The following TICRR variants were observed in gnomAD, a reference collection of about 807,000 sequenced individuals.
The protein encoded by TICRR is TOPBP1 interacting checkpoint and replication regulator.
Under a neutral mutation model 178.1 loss-of-function variants are expected in TICRR, and 132 were observed. That is an observed-to-expected ratio of 0.74 (90% CI 0.64 to 0.86). The LOEUF (loss-of-function observed/expected upper bound fraction) is 0.86. TICRR is among the 40% of genes least tolerant of loss of function. The pLI, the probability that TICRR is intolerant of heterozygous loss-of-function variation, is 0.00. For missense variants in TICRR, 2,587 were observed against 2,334.3 expected (o/e 1.11, Z -2.23); for synonymous variants, 991 against 900.7 (o/e 1.10, Z -1.79).
intron 21 of TICRR, 139 bp from the exon 22 acceptor site, chr15:89,626,817 T>C: frequency 6.6e-6 from 6 of 910,380 alleles, no homozygotes; most frequent in Non-Finnish European, 8.4e-6. Flanking sequence ...GTACCATTTC[T>C]GTAGGATAAG....
chr15:89,581,254 G>C (rs1459200865), intron 1 of TICRR, among the ~76,000 whole-genome samples: 1 of 152,182 alleles, frequency 6.6e-6, no homozygotes, highest in African/African-American at 2.4e-5. Flanking sequence ...TACCCGGCAT[G>C]ATGAGCATAT....
At chr15:89,622,217 C>G (rs1299126760) in intron 19 of TICRR, among the ~76,000 whole-genome samples, 1 of 152,070 alleles carries the variant, frequency 6.6e-6, no homozygotes, top group Non-Finnish European at 1.5e-5. Flanking sequence ...AACTCCTGAC[C>G]TCAAGTGATC....
At chr15:89,591,980 G>A in intron 4 of TICRR, 67 bp from the exon 5 acceptor site, 2 of 1,500,154 alleles carry the variant, frequency 1.3e-6, no homozygotes, top group Admixed American at 1.8e-5. Context: ...AGGAGCAAGT[G>A]CTTAGAATTC....
rs201503491 is a variant in TICRR, at chr15:89,616,495, G to A, written c.2960G>A (p.Arg987Lys). ...CTGCTGCACAGACAAATCAAGGGCA[G>A]GTGAGTGACATCCCCATCCGGGCTT... Reference protein sequence around the residue: ...KRLLHRQIKGRSSDPGPDIGV... With the variant: ...KRLLHRQIKGKSSDPGPDIGV... The change falls in exon 16 of 22, where the codon AGG (arginine) becomes AAG (lysine). Residue 987 changes from arginine (R) to lysine (K), a missense_variant and splice_region_variant. Coordinates refer to ENST00000268138, the MANE Select transcript of TICRR (RefSeq NM_152259.4). The A allele has an allele frequency of 1.9e-5, 31 of 1,613,608 alleles. No individual in the cohort carries two copies. In the Admixed American group the frequency reaches 3.7e-4, roughly 19 times the overall value.
At chr15:89,577,328 G>T (rs552351751) in intron 1 of TICRR, among the ~76,000 whole-genome samples, 99 of 152,228 alleles carry the variant, frequency 6.5e-4, no homozygotes, top group African/African-American at 2.3e-3. Flanking sequence ...GAGGCCCCCT[G>T]CTCCTGTTAA....
intron 16 of TICRR, among the ~76,000 whole-genome samples, chr15:89,617,127 C>G (rs2141977156): frequency 6.6e-6 from 1 of 152,282 alleles, no homozygotes; most frequent in East Asian, 1.9e-4. Flanking sequence ...CTTCTCTCTG[C>G]CTTTCAGAAT....
intron 13 of TICRR, among the ~76,000 whole-genome samples, chr15:89,603,864 AT>A (rs1158201825): frequency 6.6e-6 from 1 of 152,212 alleles, no homozygotes; most frequent in African/African-American, 2.4e-5. Flanking sequence ...AATAAAAGTT[AT>A]GTGAATGTGG....
chr15:89,579,561 G>A (rs1227959019), intron 1 of TICRR, among the ~76,000 whole-genome samples: 1 of 151,964 alleles, frequency 6.6e-6, no homozygotes, highest in Admixed American at 6.6e-5. Context: ...TGCTAGGCTC[G>A]TCTCGAACTC....
intron 7 of TICRR, among the ~76,000 whole-genome samples, chr15:89,598,579 G>T (rs986896500): frequency 2.6e-5 from 4 of 151,730 alleles, no homozygotes; most frequent in Admixed American, 6.6e-5. Context: ...GGCCAGGCTG[G>T]TCTTGAACTC....
Position 89,627,319 on chromosome 15 carries a change from C to T in TICRR, c.*233C>T. 2 of 502,970 alleles carry T rather than the reference C, an allele frequency of 4.0e-6. No individual in the cohort carries two copies. The highest frequency in any genetic ancestry group is 3.5e-5 in the Admixed American group (1 of 28,956). The allele number at this position is 502,970 out of a possible 1,614,324, so 31.2% of individuals were successfully genotyped here. A position where few individuals can be genotyped will look rare whatever the true frequency, so the allele number is the denominator to read the frequency against. The stretch of plus-strand genomic sequence containing the variant: ...GATGGCAATGTGATTGGTGCTATAA[C>T]TCAGGCAGCCTGGGAGTCAGGAACC... On this transcript the variant is annotated 3_prime_UTR_variant, in exon 22 of 22. Coordinates refer to ENST00000268138, the MANE Select transcript of TICRR (RefSeq NM_152259.4).
intron 7 of TICRR, among the ~76,000 whole-genome samples, chr15:89,597,503 T>C (rs1004243036): frequency 1.1e-4 from 16 of 148,434 alleles, no homozygotes; most frequent in Admixed American, 2.1e-4. Context: ...CCAGCCTGGG[T>C]GACGGAGCAA....
At position 89,623,926 on chromosome 15, in the gene TICRR, T is replaced by A. The variant is rs202118751; in HGVS notation, c.3616T>A (p.Phe1206Ile). 2.0e-4 allele frequency: 319 copies of A among 1,612,814 alleles called. No individual in the cohort carries two copies. The highest frequency in any genetic ancestry group is 2.5e-4 in the Non-Finnish European group (293 of 1,179,632). ...GAGGCAAGGTACTCAGCCGCCTGGG[T>A]TTTTGCCAAACTGTACTTGGCCACA... Reference protein sequence around the residue: ...PKRQGTQPPGFLPNCTWPHSV... With the variant: ...PKRQGTQPPGILPNCTWPHSV... The change falls in exon 20 of 22, where the codon TTT becomes ATT. Residue 1206 changes from phenylalanine to isoleucine, a missense_variant. Phe to Ile is a conservative substitution (Grantham distance 21). Transcript: ENST00000268138.
At chr15:89,626,481 G>T (rs1478006350) in intron 21 of TICRR, among the ~76,000 whole-genome samples, 5 of 152,148 alleles carry the variant, frequency 3.3e-5, no homozygotes, top group Non-Finnish European at 7.4e-5. Flanking sequence ...CAGCCTGCAG[G>T]CTCTAGGATT....
intron 16 of TICRR, among the ~76,000 whole-genome samples, 181 bp downstream of exon 16, chr15:89,616,676 T>C (rs761202763): frequency 3.4e-4 from 52 of 152,268 alleles, no homozygotes; most frequent in Non-Finnish European, 5.3e-4. Context: ...TATACACTTG[T>C]CTGGCCTCAA....
chr15:89,594,328 AGAG>A (rs1411576163), intron 5 of TICRR, 84 bp from the exon 6 acceptor site: 5 of 1,217,364 alleles, frequency 4.1e-6, no homozygotes, highest in Non-Finnish European at 3.4e-6. Context: ...TTAGCTTTTT[AGAG>A]GATAGTGGGT....
At chr15:89,611,261 AC>A (rs1963252354) in intron 15 of TICRR, among the ~76,000 whole-genome samples, 3 of 152,128 alleles carry the variant, frequency 2.0e-5, no homozygotes, top group Non-Finnish European at 2.9e-5. Context: ...TTTGTGAAGG[AC>A]ATAGAATTTT....
At chr15:89,623,487 C>T in intron 19 of TICRR, 136 bp from the exon 20 acceptor site, 1 of 935,442 alleles carries the variant, frequency 1.1e-6, no homozygotes, top group Non-Finnish European at 1.6e-6. Context: ...AAACGGGTCA[C>T]TATTTGAGAT....
intron 15 of TICRR, among the ~76,000 whole-genome samples, chr15:89,611,052 T>TA (rs547260243): frequency 1.5e-4 from 23 of 149,206 alleles, no homozygotes; most frequent in South Asian, 1.3e-3. Flanking sequence ...ATATAGGGTT[T>TA]AAAAAAAAAA....
At chr15:89,583,117 CAG>C in intron 2 of TICRR, 152 bp downstream of exon 2, 1 of 825,900 alleles carries the variant, frequency 1.2e-6, no homozygotes, top group Non-Finnish European at 1.8e-6. Context: ...AAGGCAAAAT[CAG>C]AGATACTGTA....
Sources: allele counts gnomAD v4.1 joint callset (sites outside exome capture counted in the v4.1 genomes callset), GRCh38; gene constraint gnomAD v4.1.1; transcripts MANE v1.5; gene names NCBI Gene and HGNC (gene_info 2026-07-23, HGNC 2026-07-21).